Variants in QSOX2 observed in about 807,000 individuals in gnomAD.
The protein encoded by QSOX2 is quiescin sulfhydryl oxidase 2, also known as sulfhydryl oxidase 2.
Under a neutral mutation model 61.7 loss-of-function variants are expected in QSOX2, and 46 were observed. The observed-to-expected ratio is 0.75, with a 90% confidence interval of 0.59 to 0.95. QSOX2 has a LOEUF of 0.95. Among genes scored for constraint, QSOX2 ranks in the 40% least tolerant of loss-of-function variants. The pLI is 0.00. For synonymous variants in QSOX2, 383 were observed against 388.4 expected (o/e 0.99, Z 0.16); for missense variants, 879 against 918.9 (o/e 0.96, Z 0.56).
intron 8 of QSOX2, among the ~76,000 whole-genome samples, chr9:136,216,945 C>T (rs781505469): frequency 1.3e-5 from 2 of 152,248 alleles, no homozygotes; most frequent in African/African-American, 2.4e-5. Context: ...CCTGTGCCCA[C>T]GGCCATGCCT....
rs1423904886 is a variant in QSOX2 at position 136,210,789 on chromosome 9, T to C, written c.1549+475A>G. The C allele has an allele frequency of 6.1e-6, 6 of 985,222 alleles. No homozygotes were observed. The Admixed American group carries it at 2.5e-4, about 40-fold the overall frequency. The allele number at this position is 985,222 out of a possible 1,614,324, so 61.0% of individuals were successfully genotyped here. A position where few individuals can be genotyped will look rare whatever the true frequency, so the allele number is the denominator to read the frequency against. The stretch of plus-strand genomic sequence containing the variant: ...AATCTGCCACTGATTTAGGAACAGT[T>C]TGAAGTACTTAACTCTGAGAAAATA... On this transcript the variant is annotated intron_variant, in intron 11 of 11. Transcript: ENST00000358701.
At chr9:136,238,392 CCAAA>C (rs150833870) in intron 1 of QSOX2, among the ~76,000 whole-genome samples, 2,744 of 152,318 alleles carry the variant, frequency 0.018, 83 homozygotes, top group African/African-American at 0.062. Context: ...TAACTTTTGC[CCAAA>C]CACTGTCTAC....
rs1244781287 is a variant in QSOX2, at chr9:136,230,726, T to A, written c.329-3852A>T. ...GTAAACACTCAAATCAAGACTTAAG[T>A]ACATAATTCTAACATTCTGAACCGA... On this transcript the variant is annotated intron_variant, in intron 1 of 11. Coordinates refer to ENST00000358701, the MANE Select transcript of QSOX2 (RefSeq NM_181701.4). Among the ~76,000 whole-genome samples, 5 of 152,204 alleles carry A rather than the reference T, an allele frequency of 3.3e-5. No individual in the cohort carries two copies. The East Asian group carries it at 9.6e-4, about 29-fold the overall frequency.
At chr9:136,230,845 T>C (rs1380026203) in intron 1 of QSOX2, among the ~76,000 whole-genome samples, 1 of 152,120 alleles carries the variant, frequency 6.6e-6, no homozygotes, top group Non-Finnish European at 1.5e-5. Flanking sequence ...CCTCCAGCCA[T>C]GCACAGGCCT....
Position 136,208,013 on chromosome 9 carries a change from T to C in QSOX2, c.*715A>G, listed in dbSNP as rs1478340840. On this transcript the variant is annotated 3_prime_UTR_variant, in exon 12 of 12. Coordinates refer to ENST00000358701, the MANE Select transcript of QSOX2 (RefSeq NM_181701.4). ...ACAGCCCAAGGCCTCTGGGGGTTAT[T>C]TTCTGAAACGCAGCACAGCCACAGA... is the stretch of plus-strand genomic sequence containing the variant. The C allele has an allele frequency of 1.3e-5, 2 of 152,132 alleles. No homozygotes were observed. Among genetic ancestry groups the C allele is most frequent in the Non-Finnish European group, 2.9e-5 (2 of 68,032 alleles). The allele number at this position is 152,132 out of a possible 1,614,324, so 9.4% of individuals were successfully genotyped here. A position where few individuals can be genotyped will look rare whatever the true frequency, so the allele number is the denominator to read the frequency against.
chr9:136,211,286 A>G lies in QSOX2; in HGVS notation c.1527T>C (p.Asn509=). The change falls in exon 11 of 12, where the codon AAT becomes AAC. Residue 509 remains asparagine (N), a synonymous_variant. Transcript: ENST00000358701. ...CACCTGCCAGGCGGCCGTTCACCAT[A>G]TTATGCTTCTTCCACAGCCAGAGGA... ...QAILWLWKKH[N]MVNGRLAGHL... The G allele has an allele frequency of 1.9e-6, 3 of 1,614,138 alleles. No individual in the cohort carries two copies. The highest frequency in any genetic ancestry group is 2.5e-6 in the Non-Finnish European group (3 of 1,180,010).
chr9:136,235,847 C>T (rs956768449), intron 1 of QSOX2, among the ~76,000 whole-genome samples: 1 of 152,214 alleles, frequency 6.6e-6, no homozygotes, highest in Non-Finnish European at 1.5e-5. Flanking sequence ...CACAGAAAGG[C>T]ATGGGTCTCC....
rs1476539789 is a variant in QSOX2 at position 136,237,545 on chromosome 9, CCACACCTGGAGCCCGTCCTGTGG to C, written c.328+7908_328+7930del. ...GGCGACACCTGGAGCCCGTCCTGTG[CCACACCTGGAGCCCGTCCTGTGG>C]CGGCGTCACCTGGAGCCCGTCCTGT... On this transcript the variant is annotated intron_variant, in intron 1 of 11. Coordinates refer to ENST00000358701, the MANE Select transcript of QSOX2 (RefSeq NM_181701.4). Among the ~76,000 whole-genome samples the C allele has an allele frequency of 9.8e-3, 1,310 of 133,646 alleles. 82 individuals are homozygous for C. Among genetic ancestry groups the C allele is most frequent in the African/African-American group, 0.034 (1,126 of 33,566 alleles). 87.7% of individuals were successfully genotyped at this position (133,646 alleles called of 152,430 possible).
At chr9:136,215,407 G>T in intron 9 of QSOX2, 103 bp from the exon 10 acceptor site, 16 of 735,386 alleles carry the variant, frequency 2.2e-5, no homozygotes, top group South Asian at 5.7e-5. Context: ...TGGATAATGG[G>T]GGTGTGGTTT....
Position 136,209,628 on chromosome 9 carries a change from T to C in QSOX2, c.1550-353A>G. The C allele has an allele frequency of 1.0e-6, 1 of 985,280 alleles. No individual in the cohort carries two copies. Among genetic ancestry groups the C allele is most frequent in the African/African-American group, 1.7e-5 (1 of 57,348 alleles). The allele number at this position is 985,280 out of a possible 1,614,324, so 61.0% of individuals were successfully genotyped here. ...AGCATGCAGCTCTCACCTGGAGGCC[T>C]TTCTCCGCACAGTGCTGCCTGTGTG... is the stretch of plus-strand genomic sequence containing the variant. On this transcript the variant is annotated intron_variant, in intron 11 of 11. Transcript: ENST00000358701. The surrounding 1 kb of genome is among the most constrained non-coding windows in gnomAD (Gnocchi z 5.6).
chr9:136,210,638 C>A (rs1219438452), intron 11 of QSOX2: 1 of 985,330 alleles, frequency 1.0e-6, no homozygotes, highest in Non-Finnish European at 1.2e-6. Flanking sequence ...AAACCAATTT[C>A]TTTAGTGCTT....
intron 6 of QSOX2, among the ~76,000 whole-genome samples, chr9:136,219,406 A>G (rs1831955098): frequency 6.6e-6 from 1 of 152,228 alleles, no homozygotes; most frequent in African/African-American, 2.4e-5. Flanking sequence ...AATAAGTACT[A>G]TGACTCATTT....
intron 6 of QSOX2, among the ~76,000 whole-genome samples, chr9:136,220,143 C>T (rs1831963475): frequency 6.6e-6 from 1 of 152,170 alleles, no homozygotes; most frequent in Non-Finnish European, 1.5e-5. Flanking sequence ...ATGATCCTCC[C>T]ACCTCAGCCC....
At chr9:136,244,164 G>C (rs1208558917) in intron 1 of QSOX2, among the ~76,000 whole-genome samples, 2 of 152,060 alleles carry the variant, frequency 1.3e-5, no homozygotes, top group African/African-American at 4.8e-5. Flanking sequence ...TAACACACAA[G>C]AACTGAAGGG....
At position 136,221,846 on chromosome 9, in the gene QSOX2, G is replaced by A; in HGVS notation, c.771C>T (p.Val257=). Reference sequence around the variant, plus strand: ...TTGGGTAGATCAGGTAACACGAAGGGACTGAAGAAACACCAAGTTTCTCCA... The same window carrying A: ...TTGGGTAGATCAGGTAACACGAAGGAACTGAAGAAACACCAAGTTTCTCCA... The part of the protein sequence containing the change: ...AFLEKLGVSS[V]PSCYLIYPNG... The change falls in exon 6 of 12, where the codon GTC becomes GTT. Residue 257 remains valine (V), a synonymous_variant. Coordinates refer to ENST00000358701, the MANE Select transcript of QSOX2 (RefSeq NM_181701.4). This position sits in a 1 kb window ranked among gnomAD's most constrained non-coding sequence, Gnocchi z 4.5. 2 of 1,612,866 alleles carry A rather than the reference G, an allele frequency of 1.2e-6. No individual in the cohort carries two copies. The highest frequency in any genetic ancestry group is 1.7e-5 in the Admixed American group (1 of 59,826).
chr9:136,233,161 T>C (rs1412970785), intron 1 of QSOX2, among the ~76,000 whole-genome samples: 1 of 152,138 alleles, frequency 6.6e-6, no homozygotes, highest in Non-Finnish European at 1.5e-5. Context: ...CCGCTAACCC[T>C]GAGCCTCGAA....
intron 11 of QSOX2, chr9:136,210,188 T>C (rs892046130): frequency 5.1e-6 from 5 of 985,458 alleles, no homozygotes; most frequent in South Asian, 9.4e-5. Flanking sequence ...CAGAGCTTCA[T>C]GTAGGACTGT....
In QSOX2 at chr9:136,208,869, G is replaced by T; in HGVS notation, c.1956C>A (p.Leu652=). 6.2e-7 allele frequency: 1 copy of T among 1,613,984 alleles called. No homozygotes were observed. Among genetic ancestry groups the T allele is most frequent in the Admixed American group, 1.7e-5 (1 of 60,028 alleles). ...TGTCCAGGCTGGAGAAGTCAACCCCGAGGAAGGGTGCGGCCCCGCCCACCT... is the reference window on the plus strand; with the variant it reads ...TGTCCAGGCTGGAGAAGTCAACCCCTAGGAAGGGTGCGGCCCCGCCCACCT... The part of the protein sequence containing the change: ...HKEVGGAAPF[L]GVDFSSLDMS... The change falls in exon 12 of 12, where the codon CTC becomes CTA. Residue 652 remains leucine, a synonymous_variant. Coordinates refer to ENST00000358701, the MANE Select transcript of QSOX2 (RefSeq NM_181701.4).
chr9:136,226,496 A>AG (rs1397066338), intron 2 of QSOX2, among the ~76,000 whole-genome samples: 1 of 152,158 alleles, frequency 6.6e-6, no homozygotes, highest in Non-Finnish European at 1.5e-5. Flanking sequence ...TGCAGGCTGC[A>AG]GGGGGTCTTT....
Sources: gnomAD v4.1 joint callset for allele counts (sites outside exome capture counted in the v4.1 genomes callset) on GRCh38, gnomAD v4.1.1 for gene constraint, Gnocchi (gnomAD v3.1) non-coding constraint, MANE v1.5 for transcripts, NCBI Gene and HGNC (gene_info 2026-07-23, HGNC 2026-07-21) for gene names.